ENTREP2: variants seen among roughly 807,000 people sequenced by gnomAD.
ENTREP2 encodes endosomal transmembrane epsin interactor 2.
At chr15:29,663,887 G>A in the ENTREP2 span, among the ~76,000 whole-genome samples, 2 of 152,034 alleles carry the variant, frequency 1.3e-5, no homozygotes, top group Non-Finnish European at 2.9e-5. Context: ...AATTAGCTGC[G>A]CATGATGGTG....
At chr15:29,602,584 C>G in the ENTREP2 span, among the ~76,000 whole-genome samples, 1 of 152,072 alleles carries the variant, frequency 6.6e-6, no homozygotes, top group African/African-American at 2.4e-5. Flanking sequence ...GTTGCCCAGT[C>G]TGGAGTGCAG....
the ENTREP2 span, among the ~76,000 whole-genome samples, chr15:29,191,434 T>G: frequency 7.1e-6 from 1 of 140,440 alleles, no homozygotes; most frequent in East Asian, 2.3e-4. Context: ...CATCCATGGG[T>G]GCAAACCGTA....
the ENTREP2 span, among the ~76,000 whole-genome samples, chr15:29,494,622 G>A: frequency 0.033 from 4,995 of 152,166 alleles, 261 homozygotes; most frequent in African/African-American, 0.11. Context: ...CTAACTCATC[G>A]TGTAACTGAA....
At chr15:29,151,789 G>A in the ENTREP2 span, 19 of 1,551,520 alleles carry the variant, frequency 1.2e-5, no homozygotes, top group Non-Finnish European at 1.4e-5. Flanking sequence ...TGTGGCCAGC[G>A]CACACACGAT....
the ENTREP2 span, among the ~76,000 whole-genome samples, chr15:29,547,172 C>T: frequency 1.3e-4 from 20 of 151,344 alleles, no homozygotes; most frequent in Admixed American, 9.2e-4. Flanking sequence ...ACTACACCTC[C>T]GCTCCCAGGT....
the ENTREP2 span, among the ~76,000 whole-genome samples, chr15:29,400,998 T>A: frequency 1.3e-5 from 2 of 152,220 alleles, no homozygotes; most frequent in African/African-American, 4.8e-5. Context: ...CCCTCCTCCT[T>A]GCCCAGGTGG....
At chr15:29,387,373 A>C in the ENTREP2 span, among the ~76,000 whole-genome samples, 130 of 152,292 alleles carry the variant, frequency 8.5e-4, no homozygotes, top group African/African-American at 3.0e-3. Context: ...TTCACAATTG[A>C]TTCAAAGAGA....
chr15:29,522,970 T>C, the ENTREP2 span, among the ~76,000 whole-genome samples: 11 of 152,212 alleles, frequency 7.2e-5, no homozygotes, highest in Admixed American at 2.6e-4. Context: ...TGTAGGTCCT[T>C]TGAAAAACTC....
the ENTREP2 span, among the ~76,000 whole-genome samples, chr15:29,348,515 G>A: frequency 6.6e-6 from 1 of 152,216 alleles, no homozygotes; most frequent in Non-Finnish European, 1.5e-5. Flanking sequence ...TCGGGAGTGG[G>A]AGGGGTGGTT....
At chr15:29,310,520 GT>G in the ENTREP2 span, among the ~76,000 whole-genome samples, 2 of 152,198 alleles carry the variant, frequency 1.3e-5, no homozygotes, top group East Asian at 3.9e-4. Context: ...CCTGTCCTAA[GT>G]TAGACAGTCA....
chr15:29,542,401 C>T, the ENTREP2 span, among the ~76,000 whole-genome samples: 4 of 152,084 alleles, frequency 2.6e-5, no homozygotes, highest in African/African-American at 9.6e-5. Context: ...CGGGTTCACG[C>T]CGTTCTCCTG....
At chr15:29,568,421 G>A in the ENTREP2 span, among the ~76,000 whole-genome samples, 2 of 152,318 alleles carry the variant, frequency 1.3e-5, no homozygotes, top group Admixed American at 6.5e-5. Flanking sequence ...GTCGGGCACA[G>A]TGGCTCAAGC....
the ENTREP2 span, chr15:29,569,676 C>A: frequency 6.6e-6 from 1 of 152,222 alleles, no homozygotes; most frequent in African/African-American, 2.4e-5. Context: ...CGACTTTCAT[C>A]AAAATGCTAC....
the ENTREP2 span, among the ~76,000 whole-genome samples, chr15:29,587,138 CGTGTGTGTGTGTGTGTGTGTGTGTGT>C: frequency 4.4e-4 from 54 of 124,066 alleles, no homozygotes; most frequent in African/African-American, 1.5e-3. Flanking sequence ...TGTAGCTAAC[CGTGTGTGTGTGTGTGTGTGTGTGTGT>C]GTGTGTGTGT....
the ENTREP2 span, among the ~76,000 whole-genome samples, chr15:29,186,985 T>C: frequency 6.6e-6 from 1 of 152,176 alleles, no homozygotes; most frequent in Admixed American, 6.5e-5. Context: ...CATTACCACA[T>C]ACCTAGAGCT....
the ENTREP2 span, among the ~76,000 whole-genome samples, chr15:29,235,660 TCAGGA>T: frequency 6.6e-6 from 1 of 152,198 alleles, no homozygotes; most frequent in South Asian, 2.1e-4. Context: ...AATTCCTACC[TCAGGA>T]AACTAGATAA....
At chr15:29,325,018 T>C in the ENTREP2 span, among the ~76,000 whole-genome samples, 64 of 152,262 alleles carry the variant, frequency 4.2e-4, 1 homozygote, top group African/African-American at 1.5e-3. Flanking sequence ...AGAATGAAAC[T>C]AGAAATCACT....
the ENTREP2 span, among the ~76,000 whole-genome samples, chr15:29,363,679 GA>G: frequency 6.6e-6 from 1 of 152,128 alleles, no homozygotes; most frequent in African/African-American, 2.4e-5. Flanking sequence ...CTGCAGTGGA[GA>G]AAAACAAAAA....
chr15:29,130,292 A>G, the ENTREP2 span, among the ~76,000 whole-genome samples: 135,062 of 152,188 alleles, frequency 0.89, 61,168 homozygotes, highest in Non-Finnish European at 0.98. Context: ...CTGGGAGGGA[A>G]TCGGTGAGGG....
Sources: allele counts gnomAD v4.1 joint callset (sites outside exome capture counted in the v4.1 genomes callset), GRCh38; gene constraint gnomAD v4.1.1; transcripts MANE v1.5; gene names NCBI Gene and HGNC (gene_info 2026-07-23, HGNC 2026-07-21).